Variants in PRLR observed in about 807,000 individuals in gnomAD.
PRLR encodes hPRL receptor.
In PRLR, 13 loss-of-function variants were observed where a neutral mutation model predicts 40.2. That is an observed-to-expected ratio of 0.32 (90% CI 0.21 to 0.51). The LOEUF (loss-of-function observed/expected upper bound fraction) is 0.51, where lower values mean the gene tolerates loss of function less well. Ranked by LOEUF, PRLR falls within the 20% of genes least tolerant of loss-of-function variation. The pLI is 0.97. For synonymous variants in PRLR, 269 were observed against 278.7 expected (o/e 0.97, Z 0.35); for missense variants, 656 against 747.3 (o/e 0.88, Z 1.42).
intron 1 of PRLR, among the ~76,000 whole-genome samples, chr5:35,155,879 C>T (rs181962994): frequency 1.0e-3 from 159 of 152,310 alleles, no homozygotes; most frequent in African/African-American, 3.8e-3. Context: ...ACAAACAGTT[C>T]TCTCCCGCTG....
intron 1 of PRLR, among the ~76,000 whole-genome samples, chr5:35,175,499 G>C (rs959362817): frequency 6.6e-6 from 1 of 152,208 alleles, no homozygotes; most frequent in Non-Finnish European, 1.5e-5. Context: ...ACAGATGTGT[G>C]CTAGGTCCAG....
At chr5:35,146,506 T>G (rs1321642598) in intron 1 of PRLR, among the ~76,000 whole-genome samples, 1 of 152,230 alleles carries the variant, frequency 6.6e-6, no homozygotes, top group East Asian at 1.9e-4. Context: ...CATGGGTGGC[T>G]GCCTTACTTC....
At chr5:35,216,573 A>C (rs1426779981) in intron 1 of PRLR, among the ~76,000 whole-genome samples, 2 of 152,214 alleles carry the variant, frequency 1.3e-5, no homozygotes, top group Non-Finnish European at 2.9e-5. Flanking sequence ...AATACATACA[A>C]GTGGTCATTA....
At chr5:35,141,114 G>T (rs764369064) in intron 1 of PRLR, among the ~76,000 whole-genome samples, 2 of 152,028 alleles carry the variant, frequency 1.3e-5, no homozygotes, top group Non-Finnish European at 2.9e-5. Flanking sequence ...GCTGGAGATG[G>T]GGCAGCTATC....
At chr5:35,159,487 A>G (rs528048483) in intron 1 of PRLR, among the ~76,000 whole-genome samples, 3 of 152,280 alleles carry the variant, frequency 2.0e-5, no homozygotes, top group African/African-American at 7.2e-5. Context: ...ACTGATACAA[A>G]TAAACAGTGT....
intron 5 of PRLR, among the ~76,000 whole-genome samples, chr5:35,077,177 T>A (rs905589303): frequency 9.2e-5 from 14 of 152,206 alleles, no homozygotes; most frequent in Admixed American, 5.2e-4. Flanking sequence ...AATGACAGGA[T>A]CAAATTCACA....
In PRLR at chr5:35,230,484, A is replaced by C. The variant is rs1028017672; in HGVS notation, c.-322T>G. 2.6e-5 allele frequency: 4 copies of C among 152,362 alleles called. No individual in the cohort carries two copies. Among genetic ancestry groups the C allele is most frequent in the South Asian group, 2.1e-4 (1 of 4,828 alleles). The allele number at this position is 152,362 out of a possible 1,614,324, so 9.4% of individuals were successfully genotyped here. A position where few individuals can be genotyped will look rare whatever the true frequency, so the allele number is the denominator to read the frequency against. ...CCCAGCCCGGTGGCTCTGTGAGAAG[A>C]AGCTCAACTCGGTGCACTTGTTCAC... On this transcript the variant is annotated 5_prime_UTR_variant, in exon 1 of 10. Transcript: ENST00000618457.
rs1400993730 is a variant in PRLR, at chr5:35,058,094, A to G, written c.*6995T>C. ...TATAAACATGTAAGAATGGTTATTC[A>G]GAAACTCTTGCATAACCCTACAAAG... On this transcript the variant is annotated 3_prime_UTR_variant, in exon 10 of 10. Coordinates refer to ENST00000618457, the MANE Select transcript of PRLR (RefSeq NM_000949.7). 6.6e-6 allele frequency: 1 copy of G among 152,150 alleles called. No homozygotes were observed. The highest frequency in any genetic ancestry group is 1.5e-5 in the Non-Finnish European group (1 of 68,024). 9.4% of individuals were successfully genotyped at this position (152,150 alleles called of 1,614,324 possible).
At chr5:35,157,862 T>G (rs1579744384) in intron 1 of PRLR, among the ~76,000 whole-genome samples, 2 of 152,352 alleles carry the variant, frequency 1.3e-5, no homozygotes, top group African/African-American at 4.8e-5. Context: ...TACTTTTTTG[T>G]GTGTGTTCCA....
intron 1 of PRLR, chr5:35,135,480 G>A (rs1250925842): frequency 1.3e-5 from 2 of 152,360 alleles, no homozygotes; most frequent in African/African-American, 4.8e-5. Flanking sequence ...GATCTGTTTT[G>A]TGTCTGCACT....
rs144514645 is a variant in PRLR, at chr5:35,221,350, T to C, written c.-106+8918A>G. On this transcript the variant is annotated intron_variant, in intron 1 of 9. Transcript: ENST00000618457. ...CAGTCTCATAATTAATTAGCAAGCTTCTGGCAATGTGATTTCTAAATTGCA... is the reference window on the plus strand; with the variant it reads ...CAGTCTCATAATTAATTAGCAAGCTCCTGGCAATGTGATTTCTAAATTGCA... Among the ~76,000 whole-genome samples, 1,384 of 152,334 alleles carry C rather than the reference T, an allele frequency of 9.1e-3. 7 individuals carry two copies. Among genetic ancestry groups the C allele is most frequent in the Middle Eastern group, 0.027 (8 of 294 alleles).
At chr5:35,174,043 T>C (rs1435654789) in intron 1 of PRLR, among the ~76,000 whole-genome samples, 1 of 151,208 alleles carries the variant, frequency 6.6e-6, no homozygotes, top group African/African-American at 2.4e-5. Context: ...CCAAGTGTTC[T>C]CATTGTTCAA....
chr5:35,101,284 G>A lies in PRLR; in HGVS notation c.-43-11621C>T, dbSNP rs114732170. ...GCAGTATTCTCATGTACAGATCCAC[G>A]GAAACAGCACTTGGCCTTGAGTTGT... On this transcript the variant is annotated intron_variant, in intron 2 of 9. Coordinates refer to ENST00000618457, the MANE Select transcript of PRLR (RefSeq NM_000949.7). Among the ~76,000 whole-genome samples the A allele has an allele frequency of 3.9e-3, 594 of 152,180 alleles. 3 individuals carry two copies. Among genetic ancestry groups the A allele is most frequent in the African/African-American group, 0.012 (490 of 41,518 alleles).
chr5:35,161,671 G>A (rs1318376671), intron 1 of PRLR, among the ~76,000 whole-genome samples: 1 of 152,216 alleles, frequency 6.6e-6, no homozygotes, highest in Admixed American at 6.5e-5. Flanking sequence ...GGAATAATCG[G>A]TGAGGTTCCT....
At position 35,070,135 on chromosome 5, in the gene PRLR, T is replaced by C. The variant is rs751236188; in HGVS notation, c.674A>G (p.Gln225Arg). The C allele has an allele frequency of 6.2e-7, 1 of 1,609,702 alleles. No homozygotes were observed. Among genetic ancestry groups the C allele is most frequent in the African/African-American group, 1.3e-5 (1 of 74,736 alleles). The part of the protein sequence containing the change: ...WSAWSPATFI[Q>R]IPSDFTMNDT... ...GCCAAGACGCTCACCACTAGGTATC[T>C]GAATGAAGGTCGCTGGACTCCATGC... is the stretch of plus-strand genomic sequence containing the variant. The change falls in exon 7 of 10, where the codon CAG becomes CGG. Residue 225 changes from glutamine (Q) to arginine (R), a missense_variant. Gln to Arg is a conservative substitution (Grantham distance 43). Around this residue, in one of 3 missense-constraint regions of PRLR, gnomAD observed 469 missense variants for 491.5 expected, o/e 0.95. Transcript: ENST00000618457.
At chr5:35,195,779 G>A (rs1775718426) in intron 1 of PRLR, 1 of 152,168 alleles carries the variant, frequency 6.6e-6, no homozygotes. Flanking sequence ...TATTTTTGTA[G>A]GCAAGGCAAT....
At chr5:35,129,392 A>C (rs1221052874) in intron 1 of PRLR, among the ~76,000 whole-genome samples, 1 of 152,214 alleles carries the variant, frequency 6.6e-6, no homozygotes, top group Non-Finnish European at 1.5e-5. Context: ...TTCTCTGCTC[A>C]GATTTCCTGC....
chr5:35,052,739 C>T (rs750122844), downstream of PRLR, among the ~76,000 whole-genome samples: 49 of 152,148 alleles, frequency 3.2e-4, no homozygotes, highest in Admixed American at 7.2e-4. Flanking sequence ...GAGGGTCCTG[C>T]CCCATACCCA....
At chr5:35,106,996 T>C (rs996259002) in intron 2 of PRLR, among the ~76,000 whole-genome samples, 30 of 152,120 alleles carry the variant, frequency 2.0e-4, no homozygotes, top group African/African-American at 6.8e-4. Context: ...CCTCAGCAAA[T>C]GTAAAAGAAC....
Sources: gnomAD v4.1 joint callset for allele counts (sites outside exome capture counted in the v4.1 genomes callset) on GRCh38, gnomAD v4.1.1 for gene constraint, gnomAD v4.1.1 regional missense constraint, MANE v1.5 for transcripts, NCBI Gene and HGNC (gene_info 2026-07-23, HGNC 2026-07-21) for gene names.